The following SCAMP1 variants were observed in gnomAD, a reference collection of about 807,000 sequenced individuals.
SCAMP1 encodes secretory carrier membrane protein 1, also known as secretory carrier-associated membrane protein 1.
A neutral mutation model predicts 41.8 loss-of-function variants in SCAMP1; 15 were observed. That is an observed-to-expected ratio of 0.36 (90% confidence interval 0.24 to 0.55). The LOEUF (loss-of-function observed/expected upper bound fraction) is 0.55. SCAMP1 is among the 20% of genes least tolerant of loss of function. The pLI, the probability that SCAMP1 is intolerant of heterozygous loss-of-function variation, is 0.86. For synonymous variants in SCAMP1, 135 were observed against 136.8 expected (o/e 0.99, Z 0.09); for missense variants, 341 against 412.6 (o/e 0.83, Z 1.50).
intron 2 of SCAMP1, among the ~76,000 whole-genome samples, chr5:78,397,287 G>A (rs915132726): frequency 6.6e-6 from 1 of 152,166 alleles, no homozygotes; most frequent in Non-Finnish European, 1.5e-5. Flanking sequence ...TCCACATACA[G>A]TAGAATGAAG....
At chr5:78,412,012 T>G (rs1319892371) in intron 2 of SCAMP1, among the ~76,000 whole-genome samples, 2 of 152,090 alleles carry the variant, frequency 1.3e-5, no homozygotes, top group Non-Finnish European at 2.9e-5. Context: ...AGGTTGAAAT[T>G]TTTTGTATGT....
In SCAMP1 at chr5:78,433,127, T is replaced by TGCATGTTGGCCACCTTTTTGA. The variant is rs1365936708; in HGVS notation, c.632+11168_632+11188dup. 7.2e-5 allele frequency among the ~76,000 whole-genome samples: 11 copies of TGCATGTTGGCCACCTTTTTGA among 152,182 alleles called. No homozygotes were observed. In the South Asian group the frequency reaches 1.7e-3, roughly 23 times the overall value. On this transcript the variant is annotated intron_variant, in intron 6 of 8. Transcript: ENST00000621999. ...TATGCTAAGATGCCCCATCTCCTCA[T>TGCATGTTGGCCACCTTTTTGA]GCATGTTGGCCACCTTTTTGACTAG...
chr5:78,423,256 T>C (rs1385018300), intron 6 of SCAMP1, among the ~76,000 whole-genome samples: 3 of 152,076 alleles, frequency 2.0e-5, no homozygotes, highest in Non-Finnish European at 4.4e-5. Context: ...AAAGAACCTT[T>C]GGATACATTG....
At chr5:78,408,443 T>C (rs1751987999) in intron 2 of SCAMP1, among the ~76,000 whole-genome samples, 1 of 152,184 alleles carries the variant, frequency 6.6e-6, no homozygotes, top group Non-Finnish European at 1.5e-5. Context: ...CCATGTCACC[T>C]GGTTTTAATG....
At chr5:78,426,182 A>G (rs920923633) in intron 6 of SCAMP1, among the ~76,000 whole-genome samples, 2 of 151,996 alleles carry the variant, frequency 1.3e-5, no homozygotes, top group African/African-American at 2.4e-5. Flanking sequence ...CATTTTCTTT[A>G]TCCAATCTAT....
chr5:78,456,763 A>C (rs1279929574), intron 7 of SCAMP1, among the ~76,000 whole-genome samples: 1 of 144,588 alleles, frequency 6.9e-6, no homozygotes, highest in Admixed American at 6.8e-5. Context: ...TCTCCTGGAT[A>C]ATATCCTGCA....
chr5:78,467,943 G>T lies in SCAMP1; in HGVS notation c.853-7561G>T, dbSNP rs149550827. ...TGTAGCAGTATTTATAACCACTAGG[G>T]GTCATGCTTTTCAAGAACAGTTAAT... On this transcript the variant is annotated intron_variant, in intron 8 of 8. Coordinates refer to ENST00000621999, the MANE Select transcript of SCAMP1 (RefSeq NM_004866.6). 4.4e-4 allele frequency among the ~76,000 whole-genome samples: 67 copies of T among 152,156 alleles called. 1 individual carries two copies. Among genetic ancestry groups the T allele is most frequent in the African/African-American group, 1.6e-3 (65 of 41,516 alleles).
chr5:78,375,793 A>C (rs991160318), intron 1 of SCAMP1, among the ~76,000 whole-genome samples: 1 of 152,180 alleles, frequency 6.6e-6, no homozygotes, highest in African/African-American at 2.4e-5. Flanking sequence ...AATTTGTCCA[A>C]ATGGACAAAA....
rs1335655189 is a variant in SCAMP1 at position 78,479,408 on chromosome 5, CT to C, written c.*3746del. Among the ~76,000 whole-genome samples, 1 of 152,044 alleles carries C rather than the reference CT, an allele frequency of 6.6e-6. No individual in the cohort carries two copies. Among genetic ancestry groups the C allele is most frequent in the Non-Finnish European group, 1.5e-5 (1 of 67,994 alleles). ...TTTAAAACATGAGTTGTTTTAAATA[CT>C]TTTTTATTGAGCTAAAAAGTTTTAT... On this transcript the variant is annotated 3_prime_UTR_variant, in exon 9 of 9. Coordinates refer to ENST00000621999, the MANE Select transcript of SCAMP1 (RefSeq NM_004866.6).
At chr5:78,436,388 A>G (rs887555617) in intron 6 of SCAMP1, among the ~76,000 whole-genome samples, 4 of 152,168 alleles carry the variant, frequency 2.6e-5, no homozygotes, top group Admixed American at 1.3e-4. Flanking sequence ...TCCATCTTGA[A>G]TTAATTTTTG....
At chr5:78,391,755 G>T (rs1316037474) in intron 2 of SCAMP1, among the ~76,000 whole-genome samples, 1 of 152,178 alleles carries the variant, frequency 6.6e-6, no homozygotes, top group Non-Finnish European at 1.5e-5. Flanking sequence ...CTGCAATCCC[G>T]GCACCTCAGA....
chr5:78,382,199 A>G (rs1039812004), intron 1 of SCAMP1, among the ~76,000 whole-genome samples: 4 of 152,226 alleles, frequency 2.6e-5, no homozygotes, highest in Admixed American at 1.3e-4. Context: ...TTTGATGCAT[A>G]CTAAAGTTTG....
chr5:78,417,054 G>T (rs569253056), intron 4 of SCAMP1, among the ~76,000 whole-genome samples: 4 of 152,092 alleles, frequency 2.6e-5, no homozygotes, highest in Admixed American at 6.6e-5. Context: ...CCCAGTCCTC[G>T]CAAGTATTTT....
At chr5:78,369,098 A>G (rs1296539997) in intron 1 of SCAMP1, among the ~76,000 whole-genome samples, 2 of 151,532 alleles carry the variant, frequency 1.3e-5, no homozygotes, top group Non-Finnish European at 2.9e-5. Context: ...TGGAATAGTC[A>G]GGACACACAA....
At chr5:78,463,496 T>C (rs1278812560) in intron 8 of SCAMP1, among the ~76,000 whole-genome samples, 1 of 152,258 alleles carries the variant, frequency 6.6e-6, no homozygotes, top group Admixed American at 6.5e-5. Context: ...GCATCTTCAA[T>C]TGGTCATTTT....
intron 2 of SCAMP1, among the ~76,000 whole-genome samples, chr5:78,391,531 C>T (rs1751503566): frequency 1.3e-5 from 2 of 151,940 alleles, no homozygotes; most frequent in Non-Finnish European, 2.9e-5. Context: ...GGGGTGGCTG[C>T]CGGGCGGAGG....
At chr5:78,391,715 C>T (rs1228738409) in intron 2 of SCAMP1, among the ~76,000 whole-genome samples, 1 of 152,194 alleles carries the variant, frequency 6.6e-6, no homozygotes, top group Non-Finnish European at 1.5e-5. Flanking sequence ...AGCCTGGGCG[C>T]CATTGAGCAC....
intron 5 of SCAMP1, among the ~76,000 whole-genome samples, chr5:78,420,911 T>C (rs1416515385): frequency 2.0e-5 from 3 of 152,220 alleles, no homozygotes; most frequent in African/African-American, 4.8e-5. Context: ...ATTCAAGTAA[T>C]TTGTTGGCAT....
Position 78,395,564 on chromosome 5 carries a change from G to T in SCAMP1, c.135+6650G>T, listed in dbSNP as rs945934943. ...CTTACAAGGCTGTGGTCAAGCTGTTGTCTTGGCTGCATTCTCATCTAGAGG... is the reference window on the plus strand; with the variant it reads ...CTTACAAGGCTGTGGTCAAGCTGTTTTCTTGGCTGCATTCTCATCTAGAGG... On this transcript the variant is annotated intron_variant, in intron 2 of 8. Transcript: ENST00000621999. Among the ~76,000 whole-genome samples the T allele has an allele frequency of 7.2e-5, 11 of 152,188 alleles. 1 individual carries two copies. The highest frequency in any genetic ancestry group is 1.2e-4 in the African/African-American group (5 of 41,442).
Sources: allele counts gnomAD v4.1 joint callset (sites outside exome capture counted in the v4.1 genomes callset), GRCh38; gene constraint gnomAD v4.1.1; transcripts MANE v1.5; gene names NCBI Gene and HGNC (gene_info 2026-07-23, HGNC 2026-07-21).